TAF12: variants seen among roughly 807,000 people sequenced by gnomAD.
TAF12 encodes TATA-box binding protein associated factor 12.
TAF12 carries 3 observed loss-of-function variants against 20.8 expected under a neutral mutation model. That is an observed-to-expected ratio of 0.14 (90% CI 0.07 to 0.37). The LOEUF (loss-of-function observed/expected upper bound fraction) is 0.37, where lower values mean the gene tolerates loss of function less well. Among genes scored for constraint, TAF12 ranks in the 10% least tolerant of loss-of-function variants. The pLI is 1.00. For missense variants in TAF12, 131 were observed against 197.9 expected (o/e 0.66, Z 2.03); for synonymous variants, 69 against 70.2 (o/e 0.98, Z 0.09).
In TAF12 at chr1:28,603,417, T is replaced by C. The variant is rs1303085348; in HGVS notation, c.*122A>G. Reference sequence around the variant, plus strand: ...GTCATTATAGATATTGCTGCACTGTTAATAAAAAATATATGCTTCTCTGTA... The same window carrying C: ...GTCATTATAGATATTGCTGCACTGTCAATAAAAAATATATGCTTCTCTGTA... On this transcript the variant is annotated 3_prime_UTR_variant, in exon 6 of 6. Coordinates refer to ENST00000373824, the MANE Select transcript of TAF12 (RefSeq NM_005644.4). 9 of 1,036,668 alleles carry C rather than the reference T, an allele frequency of 8.7e-6. No individual in the cohort carries two copies. Among genetic ancestry groups the C allele is most frequent in the Non-Finnish European group, 1.2e-5 (8 of 686,154 alleles). The allele number at this position is 1,036,668 out of a possible 1,614,324, so 64.2% of individuals were successfully genotyped here.
intron 1 of TAF12, among the ~76,000 whole-genome samples, chr1:28,634,642 C>T (rs1469344948): frequency 6.6e-6 from 1 of 151,524 alleles, no homozygotes; most frequent in Non-Finnish European, 1.5e-5. Context: ...TAAATAAACC[C>T]ATCTAGGCAA....
At chr1:28,615,610 T>C (rs1440668895) in intron 3 of TAF12, among the ~76,000 whole-genome samples, 1 of 119,886 alleles carries the variant, frequency 8.3e-6, no homozygotes, top group Non-Finnish European at 1.6e-5. Flanking sequence ...ACCCGGGAGG[T>C]GGAGGTTGCA....
intron 1 of TAF12, among the ~76,000 whole-genome samples, chr1:28,624,853 A>T (rs1667332184): frequency 6.6e-6 from 1 of 152,200 alleles, no homozygotes; most frequent in Admixed American, 6.6e-5. Flanking sequence ...TAAAAAACCA[A>T]GATTAACTAG....
rs1264171487 is a variant in TAF12, at chr1:28,603,283, A to G, written c.*256T>C. 1 of 519,400 alleles carries G rather than the reference A, an allele frequency of 1.9e-6. No homozygotes were observed. The allele number at this position is 519,400 out of a possible 1,614,324, so 32.2% of individuals were successfully genotyped here. On this transcript the variant is annotated 3_prime_UTR_variant, in exon 6 of 6. Transcript: ENST00000373824. The stretch of plus-strand genomic sequence containing the variant: ...CCATATTCAGTCACTTATATAATAA[A>G]CCACAAATAAAATCTTCTCTGGAAG...
chr1:28,610,732 G>A (rs375116926), intron 4 of TAF12, among the ~76,000 whole-genome samples: 4 of 152,086 alleles, frequency 2.6e-5, no homozygotes, highest in African/African-American at 7.2e-5. Flanking sequence ...GAGGCTGAGC[G>A]GGGAGGATCA....
chr1:28,603,586 G>A lies in TAF12; in HGVS notation c.451-12C>T, dbSNP rs377665191. 1.2e-6 allele frequency: 2 copies of A among 1,613,588 alleles called. No homozygotes were observed. Among genetic ancestry groups the A allele is most frequent in the Non-Finnish European group, 1.7e-6 (2 of 1,180,012 alleles). Reference sequence around the variant, plus strand: ...ATCAATGCCATTCTCTGAAAGGAGAGACAAATAAGCAGTTATACAGCAGCA... The same window carrying A: ...ATCAATGCCATTCTCTGAAAGGAGAAACAAATAAGCAGTTATACAGCAGCA... On this transcript the variant is annotated splice_polypyrimidine_tract_variant and intron_variant, in intron 5 of 5. Transcript: ENST00000373824.
At chr1:28,633,780 T>C (rs1480690517) in intron 1 of TAF12, among the ~76,000 whole-genome samples, 2 of 150,770 alleles carry the variant, frequency 1.3e-5, no homozygotes, top group Non-Finnish European at 3.0e-5. Flanking sequence ...GGCATGGTGG[T>C]GCATGCCTGT....
intron 1 of TAF12, among the ~76,000 whole-genome samples, chr1:28,627,391 G>GA (rs771889346): frequency 0.094 from 5,969 of 63,606 alleles, 503 homozygotes; most frequent in African/African-American, 0.27. Context: ...CCGTCTCAAA[G>GA]AAAAAAAAAA....
intron 1 of TAF12, among the ~76,000 whole-genome samples, chr1:28,642,200 T>C (rs1348845997): frequency 1.3e-5 from 2 of 152,162 alleles, no homozygotes; most frequent in African/African-American, 4.8e-5. Flanking sequence ...GCTTCCTAGA[T>C]TGAGTATCTG....
chr1:28,615,438 G>C (rs976054719), intron 3 of TAF12, among the ~76,000 whole-genome samples: 2 of 151,870 alleles, frequency 1.3e-5, no homozygotes, highest in Non-Finnish European at 2.9e-5. Flanking sequence ...CAGCACTTTG[G>C]GAGGCCGAAG....
At chr1:28,647,159 A>G (rs1668213490), upstream of TAF12, among the ~76,000 whole-genome samples, 1 of 152,178 alleles carries the variant, frequency 6.6e-6, no homozygotes, top group African/African-American at 2.4e-5. Flanking sequence ...TTATATATAT[A>G]CGATGTGTAC....
chr1:28,628,547 C>T (rs1160948507), intron 1 of TAF12, among the ~76,000 whole-genome samples: 4 of 150,300 alleles, frequency 2.7e-5, no homozygotes, highest in African/African-American at 9.8e-5. Context: ...TTACGGGATA[C>T]AAAAATGATC....
intron 1 of TAF12, among the ~76,000 whole-genome samples, chr1:28,631,958 T>C (rs1452875092): frequency 1.3e-5 from 2 of 152,180 alleles, no homozygotes; most frequent in African/African-American, 2.4e-5. Context: ...TATGCTTATA[T>C]GACTCAGCAA....
At chr1:28,636,860 C>T (rs777638341) in intron 1 of TAF12, among the ~76,000 whole-genome samples, 2 of 152,068 alleles carry the variant, frequency 1.3e-5, no homozygotes, top group African/African-American at 2.4e-5. Flanking sequence ...ATAATCCCAG[C>T]TACTATGGGG....
At chr1:28,613,504 G>T in intron 3 of TAF12, 143 bp from the exon 4 acceptor site, 1 of 657,066 alleles carries the variant, frequency 1.5e-6, no homozygotes, top group South Asian at 2.0e-5. Context: ...CTAAGGTGGG[G>T]AAGAGGAATG....
chr1:28,633,224 G>C (rs1412070205), intron 1 of TAF12, among the ~76,000 whole-genome samples: 2 of 147,740 alleles, frequency 1.4e-5, no homozygotes, highest in Non-Finnish European at 3.0e-5. Flanking sequence ...CAGAGTACAG[G>C]AGCCCAATCT....
chr1:28,610,448 T>C (rs914016136), intron 4 of TAF12, among the ~76,000 whole-genome samples: 1 of 152,016 alleles, frequency 6.6e-6, no homozygotes, highest in East Asian at 1.9e-4. Context: ...CACTCCACCA[T>C]GCCTGGCTAA....
At chr1:28,628,036 A>G (rs1040004182) in intron 1 of TAF12, among the ~76,000 whole-genome samples, 4 of 152,028 alleles carry the variant, frequency 2.6e-5, no homozygotes, top group Admixed American at 1.3e-4. Context: ...TGTGAATTTT[A>G]CTGTATGTAA....
At chr1:28,604,396 T>C (rs1291343916) in intron 5 of TAF12, among the ~76,000 whole-genome samples, 2 of 152,218 alleles carry the variant, frequency 1.3e-5, no homozygotes, top group East Asian at 1.9e-4. Flanking sequence ...ACTCAGATCA[T>C]AGGTTTCATG....
Sources: allele counts gnomAD v4.1 joint callset (sites outside exome capture counted in the v4.1 genomes callset), GRCh38; gene constraint gnomAD v4.1.1; transcripts MANE v1.5; gene names NCBI Gene and HGNC (gene_info 2026-07-23, HGNC 2026-07-21).